CLDN10: variants seen among roughly 807,000 people sequenced by gnomAD.
CLDN10 encodes claudin 10.
Under a neutral mutation model 22.9 loss-of-function variants are expected in CLDN10, and 15 were observed. The ratio of observed to expected loss-of-function variants is 0.65; its 90% CI spans 0.44 to 1.01. The LOEUF (loss-of-function observed/expected upper bound fraction) is 1.01, where lower values mean the gene tolerates loss of function less well. Among genes scored for constraint, CLDN10 ranks in the 50% least tolerant of loss-of-function variants. The pLI is 0.00. For synonymous variants in CLDN10, 114 were observed against 111.4 expected (o/e 1.02, Z -0.15); for missense variants, 247 against 287.8 (o/e 0.86, Z 1.03).
chr13:95,573,717 TTGTGTGTG>T (rs34469647), intron 3 of CLDN10, among the ~76,000 whole-genome samples: 29 of 149,046 alleles, frequency 1.9e-4, no homozygotes, highest in South Asian at 6.5e-4. Flanking sequence ...TTATTTTTAT[TTGTGTGTG>T]TGTGTGTGTG....
chr13:95,442,911 A>C (rs1190260495), intron 1 of CLDN10, among the ~76,000 whole-genome samples: 1 of 152,238 alleles, frequency 6.6e-6, no homozygotes, highest in Non-Finnish European at 1.5e-5. Flanking sequence ...TTACATCATG[A>C]GCAGCTGTCA....
intron 1 of CLDN10, among the ~76,000 whole-genome samples, chr13:95,449,739 A>ATTTTTTTTTTTTTT (rs59868615): frequency 7.5e-6 from 1 of 132,744 alleles, no homozygotes; most frequent in Non-Finnish European, 1.6e-5. Context: ...TAATTTTTAA[A>ATTTTTTTTTTTTTT]TTTTTTTTTT....
chr13:95,498,597 G>C (rs1250493617), intron 1 of CLDN10, among the ~76,000 whole-genome samples: 4 of 152,110 alleles, frequency 2.6e-5, no homozygotes, highest in Admixed American at 1.3e-4. Context: ...GTTTCACCAT[G>C]TTTGCCAGGC....
chr13:95,433,972 C>G, exon 1 of CLDN10: 1 of 1,614,218 alleles, frequency 6.2e-7, no homozygotes, highest in Non-Finnish European at 8.5e-7. Flanking sequence ...TTACCAGGGT[C>G]TGTGGATGAA....
chr13:95,526,885 T>C (rs1388643046), intron 1 of CLDN10, among the ~76,000 whole-genome samples: 1 of 152,230 alleles, frequency 6.6e-6, no homozygotes. Flanking sequence ...TTAATCACAC[T>C]GTTTTAATAA....
chr13:95,468,219 TTTTGTTTG>T (rs144985723), intron 1 of CLDN10, among the ~76,000 whole-genome samples: 9,304 of 151,302 alleles, frequency 0.061, 684 homozygotes, highest in East Asian at 0.2. Flanking sequence ...TTCTTCCTGT[TTTTGTTTG>T]TTTGTTTGTT....
intron 1 of CLDN10, among the ~76,000 whole-genome samples, chr13:95,556,774 T>C (rs2043644986): frequency 6.6e-6 from 1 of 152,222 alleles, no homozygotes; most frequent in African/African-American, 2.4e-5. Flanking sequence ...GAAAAGCACA[T>C]TCTTTTTTCC....
intron 1 of CLDN10, among the ~76,000 whole-genome samples, chr13:95,506,435 G>T (rs977640505): frequency 6.6e-5 from 10 of 152,150 alleles, no homozygotes; most frequent in Non-Finnish European, 1.5e-4. Context: ...AAAAGGAAAG[G>T]TATCTCCATG....
intron 1 of CLDN10, among the ~76,000 whole-genome samples, chr13:95,450,204 G>T (rs1230688067): frequency 6.6e-6 from 1 of 152,204 alleles, no homozygotes; most frequent in African/African-American, 2.4e-5. Flanking sequence ...TCTGTAAAAT[G>T]AAGATAATAA....
rs115562215 is a variant in CLDN10, at chr13:95,507,127, T to C, written c.215-53005T>C. Among the ~76,000 whole-genome samples the C allele has an allele frequency of 9.5e-3, 1,450 of 152,348 alleles. 24 individuals are homozygous for C. Among genetic ancestry groups the C allele is most frequent in the African/African-American group, 0.034 (1,394 of 41,562 alleles). On this transcript the variant is annotated intron_variant, in intron 1 of 4. Coordinates refer to the CLDN10 transcript ENST00000376873. Reference sequence around the variant, plus strand: ...AAAGATATACTTGCCTTTGAAAACATCCAAGTTTCTCCTTTGAGAAAAAAA... The same window carrying C: ...AAAGATATACTTGCCTTTGAAAACACCCAAGTTTCTCCTTTGAGAAAAAAA...
intron 1 of CLDN10, among the ~76,000 whole-genome samples, chr13:95,441,432 G>A (rs1366730370): frequency 3.3e-5 from 5 of 152,004 alleles, no homozygotes; most frequent in South Asian, 2.1e-4. Flanking sequence ...TTGTGGAGAC[G>A]GGAATCTCAC....
intron 1 of CLDN10, among the ~76,000 whole-genome samples, chr13:95,521,516 C>A (rs1484523195): frequency 6.6e-6 from 1 of 151,972 alleles, no homozygotes; most frequent in South Asian, 2.1e-4. Flanking sequence ...CCAAACTCTG[C>A]GATGTCAAAT....
chr13:95,523,533 A>T (rs1292219704), intron 1 of CLDN10, among the ~76,000 whole-genome samples: 2 of 151,994 alleles, frequency 1.3e-5, no homozygotes, highest in Non-Finnish European at 2.9e-5. Context: ...TTTGCCGTTT[A>T]TTTCCTTTGA....
chr13:95,436,957 A>G (rs774272670), intron 1 of CLDN10, among the ~76,000 whole-genome samples: 1 of 152,322 alleles, frequency 6.6e-6, no homozygotes, highest in Middle Eastern at 3.4e-3. Flanking sequence ...ATTTAAGCCT[A>G]TATTGTCAAT....
At chr13:95,454,632 G>A (rs1351725061) in intron 1 of CLDN10, among the ~76,000 whole-genome samples, 27 of 152,136 alleles carry the variant, frequency 1.8e-4, no homozygotes. Context: ...TAGTGGAGAG[G>A]CAGTAGAGGG....
chr13:95,513,917 G>A (rs1594578552), intron 1 of CLDN10, among the ~76,000 whole-genome samples: 1 of 152,170 alleles, frequency 6.6e-6, no homozygotes, highest in Admixed American at 6.6e-5. Flanking sequence ...AAGAGCTGGA[G>A]CCAGCTTGCA....
At chr13:95,544,388 G>A (rs964056579) in intron 1 of CLDN10, among the ~76,000 whole-genome samples, 15 of 152,120 alleles carry the variant, frequency 9.9e-5, no homozygotes, top group South Asian at 2.1e-4. Context: ...TGAATTGTAC[G>A]GTGGGAGGCA....
chr13:95,493,549 C>A (rs1265256226), intron 1 of CLDN10, among the ~76,000 whole-genome samples: 1 of 141,570 alleles, frequency 7.1e-6, no homozygotes, highest in Non-Finnish European at 1.5e-5. Context: ...ATATATTTGC[C>A]TACCCCCACT....
intron 1 of CLDN10, among the ~76,000 whole-genome samples, chr13:95,436,448 G>A (rs7986190): frequency 0.055 from 8,386 of 152,136 alleles, 273 homozygotes; most frequent in Non-Finnish European, 0.073. Context: ...GCCTCTTAAC[G>A]TGCTGGGATT....
Sources: gnomAD v4.1 joint callset for allele counts (sites outside exome capture counted in the v4.1 genomes callset) on GRCh38, gnomAD v4.1.1 for gene constraint, MANE v1.5 for transcripts, NCBI Gene and HGNC (gene_info 2026-07-23, HGNC 2026-07-21) for gene names.